Variants in IQGAP3 observed in about 807,000 individuals in gnomAD.
The protein encoded by IQGAP3 is ras GTPase-activating-like protein IQGAP3.
A neutral mutation model predicts 208.2 loss-of-function variants in IQGAP3; 165 were observed. The observed-to-expected ratio is 0.79, with a 90% CI of 0.70 to 0.90. The LOEUF (loss-of-function observed/expected upper bound fraction) is 0.90, where lower values mean the gene tolerates loss of function less well. Among genes scored for constraint, IQGAP3 ranks in the 40% least tolerant of loss-of-function variants. The pLI is 0.00. For synonymous variants in IQGAP3, 703 were observed against 803.6 expected, an observed-to-expected ratio of 0.87 and a Z score of 2.12; for missense variants, 1,811 against 2,043.1, an observed-to-expected ratio of 0.89 and a Z score of 2.19.
At chr1:156,537,966 C>T (rs941511385) in intron 26 of IQGAP3, among the ~76,000 whole-genome samples, 2 of 151,074 alleles carry the variant, frequency 1.3e-5, no homozygotes, top group African/African-American at 4.9e-5. Flanking sequence ...GGTGCAATCT[C>T]GGCTCACCGC....
At chr1:156,556,157 G>C (rs953688050) in intron 12 of IQGAP3, among the ~76,000 whole-genome samples, 1 of 152,188 alleles carries the variant, frequency 6.6e-6, no homozygotes, top group African/African-American at 2.4e-5. Flanking sequence ...CACTGTCAGA[G>C]AAGAACTATG....
Position 156,530,094 on chromosome 1 carries a change from C to A in IQGAP3, c.4404+11G>T. ...CACACAGGCACACGGAGCCCAGGCC[C>A]AGGTTGTTACCTTGGCCAGCTCGTC... On this transcript the variant is annotated intron_variant, in intron 34 of 37. Transcript: ENST00000361170. The A allele has an allele frequency of 1.9e-6, 3 of 1,580,956 alleles. No homozygotes were observed. The highest frequency in any genetic ancestry group is 2.6e-6 in the Non-Finnish European group (3 of 1,161,092).
intron 9 of IQGAP3, among the ~76,000 whole-genome samples, chr1:156,562,234 C>A (rs182204873): frequency 8.5e-4 from 130 of 152,164 alleles, no homozygotes; most frequent in Non-Finnish European, 1.2e-3. Flanking sequence ...GGCAAATGCC[C>A]ACCCATCCTG....
chr1:156,528,985 T>C lies in IQGAP3; in HGVS notation c.4502A>G (p.Tyr1501Cys), dbSNP rs375639213. The change falls in exon 35 of 38, where the codon TAT (tyrosine) becomes TGT (cysteine). Residue 1501 changes from tyrosine to cysteine, a missense_variant. By Grantham distance (194) the Tyr-to-Cys change is radical. Transcript: ENST00000361170. The stretch of plus-strand genomic sequence containing the variant: ...GCTGTAGTAGTCACCCTGCTCCTCA[T>C]AGAAGGTGGTCTTAGTGCTCAGGCC... ...LQGLSTKTTF[Y>C]EEQGDYYSQY... is the part of the protein sequence containing the mutation. 20 of 1,614,202 alleles carry C rather than the reference T, an allele frequency of 1.2e-5. No individual in the cohort carries two copies. The African/African-American group carries it at 2.0e-4, about 16-fold the overall frequency.
At position 156,529,079 on chromosome 1, in the gene IQGAP3, T is replaced by C. The variant is rs1372902541; in HGVS notation, c.4408A>G (p.Ile1470Val). 6.2e-7 allele frequency: 1 copy of C among 1,613,898 alleles called. No homozygotes were observed. Among genetic ancestry groups the C allele is most frequent in the Non-Finnish European group, 8.5e-7 (1 of 1,179,886 alleles). Residue 1470 changes from isoleucine (I) to valine (V), a missense_variant, in exon 35 of 38, where the codon ATC becomes GTC. Coordinates refer to ENST00000361170, the MANE Select transcript of IQGAP3 (RefSeq NM_178229.5). ...QGLVDELAKD[I>V]RNQHRHRHRR... ...TGCCTGTGTCTGTGCTGGTTGCGGA[T>C]GTCCTGGGGTTGGGGAACAGATGGA...
At position 156,563,620 on chromosome 1, in the gene IQGAP3, G is replaced by C; in HGVS notation, c.552C>G (p.Leu184=). 1 of 1,613,272 alleles carries C rather than the reference G, an allele frequency of 6.2e-7. No homozygotes were observed. The highest frequency in any genetic ancestry group is 8.5e-7 in the Non-Finnish European group (1 of 1,179,772). Residue 184 remains leucine, a synonymous_variant, in exon 7 of 38, where the codon CTC becomes CTG. Transcript: ENST00000361170. Reference sequence around the variant, plus strand: ...CGATCTTGCTGAAGGCAGGCAGCTGGAGGCCATATTTGGCCAGTTCGGACG... The same window carrying C: ...CGATCTTGCTGAAGGCAGGCAGCTGCAGGCCATATTTGGCCAGTTCGGACG... ...NMASELAKYG[L]QLPAFSKIGG...
Position 156,551,857 on chromosome 1 carries a change from C to G in IQGAP3, c.1582G>C (p.Val528Leu). 2 of 1,606,412 alleles carry G rather than the reference C, an allele frequency of 1.2e-6. No individual in the cohort carries two copies. Among genetic ancestry groups the G allele is most frequent in the Non-Finnish European group, 8.5e-7 (1 of 1,175,324 alleles). Residue 528 changes from valine (V) to leucine (L), a missense_variant, in exon 15 of 38, where the codon GTC (valine) becomes CTC (leucine). Transcript: ENST00000361170. Reference sequence around the variant, plus strand: ...TCCAGAGCCTCATTGATGAGGCTGACTGCAAGGACCCCTAAGAAAGAGAGA... The same window carrying G: ...TCCAGAGCCTCATTGATGAGGCTGAGTGCAAGGACCCCTAAGAAAGAGAGA... ...TQEETDRVLA[V>L]SLINEALDKG...
chr1:156,537,636 G>A (rs180846506), intron 26 of IQGAP3, among the ~76,000 whole-genome samples: 2 of 152,258 alleles, frequency 1.3e-5, no homozygotes, highest in East Asian at 3.9e-4. Context: ...GTCTTTGGGA[G>A]TTTGGAATAA....
chr1:156,569,942 G>A (rs557784683), intron 1 of IQGAP3, among the ~76,000 whole-genome samples: 22 of 152,242 alleles, frequency 1.4e-4, no homozygotes, highest in African/African-American at 5.1e-4. Flanking sequence ...CTGTGCTGGA[G>A]GCATTACTTC....
intron 1 of IQGAP3, 113 bp downstream of exon 1, chr1:156,572,380 C>G: frequency 8.5e-7 from 1 of 1,177,106 alleles, no homozygotes; most frequent in South Asian, 1.2e-5. Context: ...AGTCCCACCG[C>G]CCTCGCCCCT....
chr1:156,554,189 C>T, intron 13 of IQGAP3, 46 bp downstream of exon 13: 1 of 1,550,060 alleles, frequency 6.5e-7, no homozygotes, highest in Admixed American at 2.0e-5. Flanking sequence ...GTCTTGGCTG[C>T]ATTCCCCCAT....
intron 2 of IQGAP3, among the ~76,000 whole-genome samples, chr1:156,566,834 T>C (rs1250309645): frequency 6.6e-6 from 1 of 151,012 alleles, no homozygotes; most frequent in East Asian, 2.0e-4. Flanking sequence ...AACTGTTACA[T>C]AGCTTCTCAC....
chr1:156,566,328 G>T, intron 3 of IQGAP3, 62 bp downstream of exon 3: 1 of 1,526,980 alleles, frequency 6.5e-7, no homozygotes, highest in Non-Finnish European at 9.0e-7. Flanking sequence ...TACCCTCACA[G>T]CTTTGAGGAG....
chr1:156,547,396 C>CACACACAG (rs1675305709), intron 19 of IQGAP3, among the ~76,000 whole-genome samples: 1 of 137,852 alleles, frequency 7.3e-6, no homozygotes, highest in Non-Finnish European at 1.6e-5. Context: ...CAGACACACA[C>CACACACAG]ACACACACAC....
chr1:156,569,528 CTTTTTTTTTTT>C (rs34005985), intron 1 of IQGAP3, 65 bp from the exon 2 acceptor site: 4 of 138,270 alleles, frequency 2.9e-5, no homozygotes, highest in South Asian at 1.0e-4. Flanking sequence ...ACTGAAGGGT[CTTTTTTTTTTT>C]TTTTTTTTTT....
Position 156,533,780 on chromosome 1 carries a change from G to C in IQGAP3, c.3969C>G (p.Asp1323Glu). Residue 1323 changes from aspartate (D) to glutamate (E), a missense_variant, in exon 31 of 38, where the codon GAC (aspartate) becomes GAG (glutamate). Coordinates refer to ENST00000361170, the MANE Select transcript of IQGAP3 (RefSeq NM_178229.5). ...GCTAAGGAGGGCACGTACCAATAAG[G>C]TCAGGGATGGTGGGCAGCTCCCCAA... ...EDLGELPTIP[D>E]LIGESIAADG... The C allele has an allele frequency of 6.2e-7, 1 of 1,613,340 alleles. No homozygotes were observed. The highest frequency in any genetic ancestry group is 8.5e-7 in the Non-Finnish European group (1 of 1,179,732).
At chr1:156,562,861 C>G (rs1053458934) in intron 8 of IQGAP3, among the ~76,000 whole-genome samples, 196 bp from the exon 9 acceptor site, 1 of 152,218 alleles carries the variant, frequency 6.6e-6, no homozygotes. Flanking sequence ...CCTTTGGAAC[C>G]TCCAGTCCAA....
chr1:156,548,623 G>C lies in IQGAP3; in HGVS notation c.1951C>G (p.Gln651Glu). 6.2e-7 allele frequency: 1 copy of C among 1,609,198 alleles called. No homozygotes were observed. Among genetic ancestry groups the C allele is most frequent in the Non-Finnish European group, 8.5e-7 (1 of 1,176,774 alleles). ...GCCATGGCACTTTCCAGGGCTCGCT[G>C]GTAGCCGTTGGCACAGTCGGGAACT... Reference protein sequence around the residue: ...GVVPDCANGYQRALESAMAKK... With the variant: ...GVVPDCANGYERALESAMAKK... Residue 651 changes from glutamine (Q) to glutamate (E), a missense_variant, in exon 17 of 38, where the codon CAG becomes GAG. By Grantham distance (29) the Gln-to-Glu change is conservative. Coordinates refer to ENST00000361170, the MANE Select transcript of IQGAP3 (RefSeq NM_178229.5).
At position 156,538,795 on chromosome 1, in the gene IQGAP3, G is replaced by A. The variant is rs1380907717; in HGVS notation, c.3281+14C>T. 1.2e-6 allele frequency: 2 copies of A among 1,604,756 alleles called. No individual in the cohort carries two copies. The highest frequency in any genetic ancestry group is 1.1e-5 in the South Asian group (1 of 90,716). ...CTGATCAAAGAGAGCTCCTCCCTCT[G>A]CCCATGTGCTCACCTGCGCTGCCCT... On this transcript the variant is annotated intron_variant, in intron 26 of 37. Transcript: ENST00000361170.
Sources: allele counts gnomAD v4.1 joint callset (sites outside exome capture counted in the v4.1 genomes callset), GRCh38; gene constraint gnomAD v4.1.1; transcripts MANE v1.5; gene names NCBI Gene and HGNC (gene_info 2026-07-23, HGNC 2026-07-21).